Variants in SAMD11 observed in about 807,000 individuals in gnomAD.
SAMD11 encodes sterile alpha motif domain containing 11.
In SAMD11, 77 loss-of-function variants were observed where a neutral mutation model predicts 64.4. The ratio of observed to expected loss-of-function variants is 1.20; its 90% CI spans 0.99 to 1.44. The LOEUF is 1.44. Ranked by LOEUF, SAMD11 falls within the 40% of genes most tolerant of loss-of-function variation. The pLI is 0.00. For synonymous variants in SAMD11, 658 were observed against 421.9 expected (o/e 1.56, Z -6.86); for missense variants, 1,402 against 943.3 (o/e 1.49, Z -6.37).
At chr1:943,572 T>G (rs1178404414) in intron 12 of SAMD11, 126 bp from the exon 13 acceptor site, 2 of 679,610 alleles carry the variant, frequency 2.9e-6, no homozygotes, top group Non-Finnish European at 4.2e-6. Context: ...TGCCTGACAC[T>G]CAAACCCAAC....
chr1:942,662 G>A lies in SAMD11; in HGVS notation c.1657G>A (p.Glu553Lys), dbSNP rs930359981. 7.7e-6 allele frequency: 11 copies of A among 1,433,800 alleles called. No homozygotes were observed. The African/African-American group carries it at 1.5e-4, about 20-fold the overall frequency. The allele number at this position is 1,433,800 out of a possible 1,614,324, so 88.8% of individuals were successfully genotyped here. A position where few individuals can be genotyped will look rare whatever the true frequency, so the allele number is the denominator to read the frequency against. ...CCTGCGCCCCAACGACGGCGCCGAG[G>A]AGCTGCAGCGGCGCGGGGCCCTGCT... ...TALRPNDGAE[E>K]LQRRGALLVL... is the part of the protein sequence containing the mutation. The change falls in exon 11 of 14, where the codon GAG becomes AAG. Residue 553 changes from glutamate (E) to lysine (K), a missense_variant. Coordinates refer to ENST00000616016, the MANE Select transcript of SAMD11 (RefSeq NM_001385641.1).
At position 937,395 on chromosome 1, in the gene SAMD11, T is replaced by TA. The variant is rs1226125597; in HGVS notation, c.967+1499_967+1500insA. Among the ~76,000 whole-genome samples the TA allele has an allele frequency of 2.8e-3, 228 of 82,204 alleles. 2 individuals carry two copies. The highest frequency in any genetic ancestry group is 7.3e-3 in the Admixed American group (58 of 7,940). 53.9% of individuals were successfully genotyped at this position (82,204 alleles called of 152,430 possible). A position where few individuals can be genotyped will look rare whatever the true frequency, so the allele number is the denominator to read the frequency against. Reference sequence around the variant, plus strand: ...GTCTCATTGCAGGCCCCCTTCCACCTGCCCCCCCCCCCACCCAGTCACCTC... The same window carrying TA: ...GTCTCATTGCAGGCCCCCTTCCACCTAGCCCCCCCCCCCACCCAGTCACCTC... On this transcript the variant is annotated intron_variant, in intron 5 of 13. Coordinates refer to ENST00000616016, the MANE Select transcript of SAMD11 (RefSeq NM_001385641.1).
intron 11 of SAMD11, 69 bp downstream of exon 11, chr1:943,127 TGGG>T (rs1041742166): frequency 5.7e-6 from 9 of 1,570,900 alleles, no homozygotes; most frequent in Admixed American, 1.8e-5. Context: ...GGAAGGGTCT[TGGG>T]GGGAGGAAAA....
rs1320418172 is a variant in SAMD11 at position 944,373 on chromosome 1, A to T, written c.*220A>T. 29 of 1,346,430 alleles carry T rather than the reference A, an allele frequency of 2.2e-5. No homozygotes were observed. Among genetic ancestry groups the T allele is most frequent in the Non-Finnish European group, 2.8e-5 (29 of 1,050,094 alleles). 83.4% of individuals were successfully genotyped at this position (1,346,430 alleles called of 1,614,324 possible). A position where few individuals can be genotyped will look rare whatever the true frequency, so the allele number is the denominator to read the frequency against. ...GACGAGGTCTGCAGACGGAGGGCAGAGGTGGTGGAAGGGGCCAGGGGCCTG... is the reference window on the plus strand; with the variant it reads ...GACGAGGTCTGCAGACGGAGGGCAGTGGTGGTGGAAGGGGCCAGGGGCCTG... On this transcript the variant is annotated 3_prime_UTR_variant, in exon 14 of 14. Transcript: ENST00000616016.
Position 926,147 on chromosome 1 carries a change from C to CA in SAMD11, c.609+135dup, listed in dbSNP as rs1640874969. 3 of 836,876 alleles carry CA rather than the reference C, an allele frequency of 3.6e-6. No homozygotes were observed. The African/African-American group carries it at 5.0e-5, about 14-fold the overall frequency. The allele number at this position is 836,876 out of a possible 1,614,324, so 51.8% of individuals were successfully genotyped here. On this transcript the variant is annotated intron_variant, in intron 2 of 13. Transcript: ENST00000616016. ...TGTGCTGGAGGGAGCCTCCGAAGGG[C>CA]AGGGGGAAGCGGCTTTACCTCGTGC...
chr1:925,871 G>A, intron 1 of SAMD11, 51 bp from the exon 2 acceptor site: 2 of 1,368,164 alleles, frequency 1.5e-6, no homozygotes, highest in Middle Eastern at 1.8e-4. Context: ...CGCTGACTGC[G>A]CGCAGAAGCG....
Position 930,147 on chromosome 1 carries a change from C to T in SAMD11, c.610-8C>T, listed in dbSNP as rs1287949488. The T allele has an allele frequency of 1.3e-6, 2 of 1,553,310 alleles. No individual in the cohort carries two copies. Among genetic ancestry groups the T allele is most frequent in the Non-Finnish European group, 1.7e-6 (2 of 1,148,358 alleles). On this transcript the variant is annotated splice_region_variant and splice_polypyrimidine_tract_variant and intron_variant, in intron 2 of 13. Coordinates refer to ENST00000616016, the MANE Select transcript of SAMD11 (RefSeq NM_001385641.1). ...CTGCCCCACCTTCCTCTCCTCCTGC[C>T]CCACCAGAACCGGGGGCGGCTGGCA...
At chr1:935,969 ACCAGCAG>A in intron 5 of SAMD11, 73 bp downstream of exon 5, 1 of 1,497,692 alleles carries the variant, frequency 6.7e-7, no homozygotes, top group Non-Finnish European at 9.1e-7. Context: ...TCCACTCAGC[ACCAGCAG>A]CCTTGGCAGG....
At chr1:938,615 T>C (rs1264080067) in intron 5 of SAMD11, among the ~76,000 whole-genome samples, 2 of 152,164 alleles carry the variant, frequency 1.3e-5, no homozygotes, top group Non-Finnish European at 2.9e-5. Context: ...CCTTCCCGGC[T>C]TGTCTCACCC....
chr1:931,819 G>A (rs527782974), intron 4 of SAMD11, among the ~76,000 whole-genome samples: 18 of 152,370 alleles, frequency 1.2e-4, no homozygotes, highest in African/African-American at 4.3e-4. Flanking sequence ...AAGAGCCCCG[G>A]GGAAGAGGTC....
chr1:929,744 A>T (rs1641080624), intron 2 of SAMD11, among the ~76,000 whole-genome samples: 1 of 152,144 alleles, frequency 6.6e-6, no homozygotes, highest in South Asian at 2.1e-4. Context: ...CAAGCCCGGG[A>T]CGGAGGCCTG....
At chr1:939,764 G>GT (rs1423966683) in intron 7 of SAMD11, among the ~76,000 whole-genome samples, 1 of 152,098 alleles carries the variant, frequency 6.6e-6, no homozygotes, top group Non-Finnish European at 1.5e-5. Flanking sequence ...CCTGTGGTCT[G>GT]TGAGTCGTCT....
chr1:930,295 G>A lies in SAMD11; in HGVS notation c.750G>A (p.Leu250=), dbSNP rs752605467. The A allele has an allele frequency of 6.2e-7, 1 of 1,608,736 alleles. No homozygotes were observed. The highest frequency in any genetic ancestry group is 8.5e-7 in the Non-Finnish European group (1 of 1,178,008). ...CCACCTGTGGGCGGCGGCCAGGCTT[G>A]AAGCAGGAGGATGGTCCGCACATCC... ...SGPTCGRRPG[L]KQEDGPHIRI... Residue 250 remains leucine (L), a synonymous_variant, in exon 3 of 14, where the codon TTG becomes TTA. Coordinates refer to ENST00000616016, the MANE Select transcript of SAMD11 (RefSeq NM_001385641.1).
rs753852767 is a variant in SAMD11, at chr1:935,772, C to G, written c.843C>G (p.Ser281Arg). Residue 281 changes from serine to arginine, a missense_variant and splice_region_variant, in exon 5 of 14, where the codon AGC becomes AGG. Coordinates refer to ENST00000616016, the MANE Select transcript of SAMD11 (RefSeq NM_001385641.1). ...AGCTTTTCCCGGTCTCGTTCTGCAG[C>G]CAGGACGGCAACCTTCCCACCCTCA... ...VNISFREASC[S>R]QDGNLPTLIS... The G allele has an allele frequency of 1.9e-6, 3 of 1,613,344 alleles. No individual in the cohort carries two copies. The highest frequency in any genetic ancestry group is 1.7e-4 in the Middle Eastern group (1 of 6,056).
chr1:943,611 A>T, intron 12 of SAMD11, 87 bp from the exon 13 acceptor site: 1 of 1,361,572 alleles, frequency 7.3e-7, no homozygotes, highest in Non-Finnish European at 9.7e-7. Flanking sequence ...AATTTCCGTG[A>T]GCTGCACAAA....
At chr1:933,612 CACCCCATGCT>C (rs1381930445) in intron 4 of SAMD11, among the ~76,000 whole-genome samples, 20 of 152,338 alleles carry the variant, frequency 1.3e-4, no homozygotes, top group African/African-American at 4.8e-4. Flanking sequence ...CCTCAGCCCC[CACCCCATGCT>C]GAGGCCAGCA....
Position 932,759 on chromosome 1 carries a change from G to A in SAMD11, c.842+1670G>A, listed in dbSNP as rs925336218. Among the ~76,000 whole-genome samples the A allele has an allele frequency of 5.3e-5, 8 of 152,352 alleles. No individual in the cohort carries two copies. In the East Asian group the frequency reaches 1.3e-3, roughly 26 times the overall value. The stretch of plus-strand genomic sequence containing the variant: ...TCTGTCCTTCCATCCCCTTCGCCCT[G>A]TCTGGCTGGCTCTGCAGTGACCACC... On this transcript the variant is annotated intron_variant, in intron 4 of 13. Transcript: ENST00000616016.
rs1641861219 is a variant in SAMD11 at position 942,696 on chromosome 1, A to C, written c.1691A>C (p.Asn564Thr). The C allele has an allele frequency of 6.9e-7, 1 of 1,443,318 alleles. No individual in the cohort carries two copies. The highest frequency in any genetic ancestry group is 1.5e-5 in the African/African-American group (1 of 66,212). 89.4% of individuals were successfully genotyped at this position (1,443,318 alleles called of 1,614,324 possible). Residue 564 changes from asparagine to threonine, a missense_variant, in exon 11 of 14, where the codon AAC becomes ACC. Physicochemically the swap from Asn to Thr is moderately conservative, Grantham distance 65. Transcript: ENST00000616016. ...CGGCGCGGGGCCCTGCTGGTGCTGA[A>C]CCACGGCGCGGCGCCACTGCTGGCC... Reference protein sequence around the residue: ...LQRRGALLVLNHGAAPLLALP... With the variant: ...LQRRGALLVLTHGAAPLLALP...
chr1:938,611 C>T (rs1333556649), intron 5 of SAMD11, among the ~76,000 whole-genome samples: 4 of 152,050 alleles, frequency 2.6e-5, no homozygotes, highest in African/African-American at 4.8e-5. Flanking sequence ...AGGTCCTTCC[C>T]GGCTTGTCTC....
Sources: allele counts gnomAD v4.1 joint callset (sites outside exome capture counted in the v4.1 genomes callset), GRCh38; gene constraint gnomAD v4.1.1; transcripts MANE v1.5; gene names NCBI Gene and HGNC (gene_info 2026-07-23, HGNC 2026-07-21).